Variants in RTTN observed in about 807,000 individuals in gnomAD.
The protein encoded by RTTN is rotatin.
A neutral mutation model predicts 269.2 loss-of-function variants in RTTN; 182 were observed. The ratio of observed to expected loss-of-function variants is 0.68; its 90% CI spans 0.60 to 0.76. The LOEUF (loss-of-function observed/expected upper bound fraction) is 0.76, where lower values mean the gene tolerates loss of function less well. Ranked by LOEUF, RTTN falls within the 30% of genes least tolerant of loss-of-function variation. The pLI is 0.00. For missense variants in RTTN, 2,545 were observed against 2,608.6 expected, an observed-to-expected ratio of 0.98 and a Z score of 0.53; for synonymous variants, 1,006 against 963.5, an observed-to-expected ratio of 1.04 and a Z score of -0.82.
rs780691914 is a variant in RTTN at position 70,150,526 on chromosome 18, T to C, written c.2055+82A>G. 20 of 1,325,500 alleles carry C rather than the reference T, an allele frequency of 1.5e-5. No individual in the cohort carries two copies. The African/African-American group carries it at 1.9e-4, about 13-fold the overall frequency. 82.1% of individuals were successfully genotyped at this position (1,325,500 alleles called of 1,614,324 possible). On this transcript the variant is annotated intron_variant, in intron 15 of 48. Coordinates refer to ENST00000640769, the MANE Select transcript of RTTN (RefSeq NM_173630.4). ...TTCTTTTTAGTTTCTCACCATGCTATCTAAACTATATTAGAATATCACCTT... is the reference window on the plus strand; with the variant it reads ...TTCTTTTTAGTTTCTCACCATGCTACCTAAACTATATTAGAATATCACCTT...
chr18:70,011,898 G>C lies in RTTN; in HGVS notation c.6422-5414C>G, dbSNP rs114995874. Among the ~76,000 whole-genome samples, 674 of 151,836 alleles carry C rather than the reference G, an allele frequency of 4.4e-3. 4 individuals carry two copies. Among genetic ancestry groups the C allele is most frequent in the African/African-American group, 0.016 (644 of 41,354 alleles). On this transcript the variant is annotated intron_variant, in intron 46 of 48. Transcript: ENST00000640769. ...CGTCTGCTCACTGGTGTTAGATAGAGGGTAGCGTCTGCTCCTGGTATTGGT... is the reference window on the plus strand; with the variant it reads ...CGTCTGCTCACTGGTGTTAGATAGACGGTAGCGTCTGCTCCTGGTATTGGT...
chr18:70,056,926 A>T (rs2057833583), intron 37 of RTTN, among the ~76,000 whole-genome samples: 1 of 152,238 alleles, frequency 6.6e-6, no homozygotes, highest in South Asian at 2.1e-4. Context: ...CTTGGAGAAG[A>T]TTCAGGCACA....
chr18:70,158,041 C>A (rs754010139), intron 14 of RTTN, among the ~76,000 whole-genome samples: 1 of 151,992 alleles, frequency 6.6e-6, no homozygotes, highest in East Asian at 1.9e-4. Flanking sequence ...ATATTTTCCA[C>A]GAAAATTTCT....
At chr18:70,114,150 C>T (rs761754079) in intron 27 of RTTN, among the ~76,000 whole-genome samples, 1 of 151,988 alleles carries the variant, frequency 6.6e-6, no homozygotes, top group African/African-American at 2.4e-5. Flanking sequence ...GGTATGACTG[C>T]TCAAGTAGAT....
intron 28 of RTTN, among the ~76,000 whole-genome samples, chr18:70,101,017 G>C (rs1283082405): frequency 6.6e-6 from 1 of 152,174 alleles, no homozygotes; most frequent in African/African-American, 2.4e-5. Flanking sequence ...ATGTTCATCA[G>C]GGATATGGTC....
intron 10 of RTTN, among the ~76,000 whole-genome samples, chr18:70,179,511 G>C (rs1360450853): frequency 6.6e-6 from 1 of 152,084 alleles, no homozygotes; most frequent in African/African-American, 2.4e-5. Flanking sequence ...TGTAGGAAAG[G>C]ATTGAAAAAC....
chr18:70,068,403 C>T (rs2058202683), intron 34 of RTTN, among the ~76,000 whole-genome samples: 1 of 152,188 alleles, frequency 6.6e-6, no homozygotes, highest in Non-Finnish European at 1.5e-5. Context: ...GACTAGGATT[C>T]TCAGTCCAGA....
At position 70,050,844 on chromosome 18, in the gene RTTN, T is replaced by C. The variant is rs148202965; in HGVS notation, c.5323+567A>G. On this transcript the variant is annotated intron_variant, in intron 39 of 48. Coordinates refer to ENST00000640769, the MANE Select transcript of RTTN (RefSeq NM_173630.4). ...GGAACAGAAAACCAAACACTGTGTG[T>C]TCTCATTCACAAGTGAGAGATGAAC... Among the ~76,000 whole-genome samples, 771 of 152,296 alleles carry C rather than the reference T, an allele frequency of 5.1e-3. 8 individuals carry two copies. Among genetic ancestry groups the C allele is most frequent in the African/African-American group, 0.017 (725 of 41,560 alleles).
chr18:70,150,746 A>C lies in RTTN; in HGVS notation c.1930-13T>G. 1 of 1,542,462 alleles carries C rather than the reference A, an allele frequency of 6.5e-7. No homozygotes were observed. The highest frequency in any genetic ancestry group is 8.8e-7 in the Non-Finnish European group (1 of 1,135,604). On this transcript the variant is annotated splice_polypyrimidine_tract_variant and intron_variant, in intron 14 of 48. Coordinates refer to ENST00000640769, the MANE Select transcript of RTTN (RefSeq NM_173630.4). ...CACCTAAACATTCCTGTAAAATAAT[A>C]TTAAAAAGTATTTTTAAATTAGCAA...
intron 8 of RTTN, among the ~76,000 whole-genome samples, chr18:70,191,033 CA>C (rs891857386): frequency 1.0e-3 from 149 of 146,798 alleles, no homozygotes; most frequent in Non-Finnish European, 1.6e-3. Context: ...ACTAAAAATA[CA>C]AAAAAAAAAA....
chr18:70,157,070 A>G (rs1037309398), intron 14 of RTTN, among the ~76,000 whole-genome samples: 3 of 152,016 alleles, frequency 2.0e-5, no homozygotes, highest in Admixed American at 2.0e-4. Flanking sequence ...GCACACACCC[A>G]CCCACAGCCA....
intron 30 of RTTN, among the ~76,000 whole-genome samples, chr18:70,089,690 T>C (rs566423883): frequency 1.3e-5 from 2 of 152,298 alleles, no homozygotes; most frequent in African/African-American, 2.4e-5. Context: ...AAAAGGTTAT[T>C]TGAGGAAAGG....
rs778267549 is a variant in RTTN at position 70,059,910 on chromosome 18, A to C, written c.4880T>G (p.Ile1627Ser). 2 of 1,613,678 alleles carry C rather than the reference A, an allele frequency of 1.2e-6. No homozygotes were observed. The highest frequency in any genetic ancestry group is 1.7e-5 in the Admixed American group (1 of 60,000). ...AGCCTTTGCAGTGTCTCTGGGAGCAATCGTCAAGAGGTTGTCCAAGAGGCT... is the reference window on the plus strand; with the variant it reads ...AGCCTTTGCAGTGTCTCTGGGAGCACTCGTCAAGAGGTTGTCCAAGAGGCT... ...MCSLLDNLLT[I>S]APRDTAKAFR... Residue 1627 changes from isoleucine (I) to serine (S), a missense_variant, in exon 36 of 49, where the codon ATT becomes AGT. By Grantham distance (142) the Ile-to-Ser change is moderately radical. Coordinates refer to ENST00000640769, the MANE Select transcript of RTTN (RefSeq NM_173630.4).
At chr18:70,204,007 A>G (rs2062016943) in intron 3 of RTTN, 79 bp downstream of exon 3, 1 of 1,152,942 alleles carries the variant, frequency 8.7e-7, no homozygotes, top group Admixed American at 2.5e-5. Context: ...AATCCTTTTT[A>G]AAAAAATCTA....
At chr18:70,149,941 G>T (rs981893655) in intron 16 of RTTN, 30 bp downstream of exon 16, 47 of 1,385,946 alleles carry the variant, frequency 3.4e-5, no homozygotes, top group Non-Finnish European at 4.6e-5. Flanking sequence ...AAGATAAATG[G>T]TATCATAAAA....
chr18:70,051,519 T>C lies in RTTN; in HGVS notation c.5215A>G (p.Thr1739Ala). ...DKELISAFYH[T>A]WTHLFNLLAM... Reference sequence around the variant, plus strand: ...AGAAGATTAAATAAATGTGTCCATGTGTGATAAAAAGCTGATATTAACTCT... The same window carrying C: ...AGAAGATTAAATAAATGTGTCCATGCGTGATAAAAAGCTGATATTAACTCT... Residue 1739 changes from threonine (T) to alanine (A), a missense_variant, in exon 39 of 49, where the codon ACA (threonine) becomes GCA (alanine). By Grantham distance (58) the Thr-to-Ala change is moderately conservative. Coordinates refer to ENST00000640769, the MANE Select transcript of RTTN (RefSeq NM_173630.4). 6.2e-7 allele frequency: 1 copy of C among 1,609,074 alleles called. No homozygotes were observed. The highest frequency in any genetic ancestry group is 1.1e-5 in the South Asian group (1 of 90,596).
chr18:70,102,494 T>C (rs942315641), intron 28 of RTTN, among the ~76,000 whole-genome samples: 3 of 152,184 alleles, frequency 2.0e-5, no homozygotes, highest in Admixed American at 6.5e-5. Context: ...CTCCTGAATA[T>C]AGCACACTGA....
chr18:70,119,176 A>G (rs2059673767), intron 26 of RTTN, among the ~76,000 whole-genome samples: 1 of 152,114 alleles, frequency 6.6e-6, no homozygotes, highest in South Asian at 2.1e-4. Flanking sequence ...TCTTAAATCT[A>G]GAAAAACCTA....
At chr18:70,106,266 G>A (rs542951149) in intron 28 of RTTN, among the ~76,000 whole-genome samples, 1 of 152,282 alleles carries the variant, frequency 6.6e-6, no homozygotes, top group Non-Finnish European at 1.5e-5. Flanking sequence ...GATCACTTGG[G>A]CTCAGGAGGT....
Sources: allele counts gnomAD v4.1 joint callset (sites outside exome capture counted in the v4.1 genomes callset), GRCh38; gene constraint gnomAD v4.1.1; transcripts MANE v1.5; gene names NCBI Gene and HGNC (gene_info 2026-07-23, HGNC 2026-07-21).